LIN54: variants seen among roughly 807,000 people sequenced by gnomAD.
LIN54 encodes the protein lin-54 DREAM MuvB core complex component, also known as protein lin-54 homolog.
Under a neutral mutation model 78.7 loss-of-function variants are expected in LIN54, and 9 were observed. The ratio of observed to expected loss-of-function variants is 0.11; its 90% CI spans 0.07 to 0.20. The LOEUF (loss-of-function observed/expected upper bound fraction) is 0.20. Among genes scored for constraint, LIN54 ranks in the 10% least tolerant of loss-of-function variants. LIN54 has a pLI of 1.00. For missense variants in LIN54, 573 were observed against 889.9 expected, an observed-to-expected ratio of 0.64 and a Z score of 4.53; for synonymous variants, 269 against 318.4, an observed-to-expected ratio of 0.84 and a Z score of 1.65.
chr4:82,980,911 T>C (rs1247762574), intron 2 of LIN54, among the ~76,000 whole-genome samples: 1 of 152,056 alleles, frequency 6.6e-6, no homozygotes, highest in Non-Finnish European at 1.5e-5. Context: ...AAGAAAAAAA[T>C]ATAAACAGTA....
intron 7 of LIN54, among the ~76,000 whole-genome samples, chr4:82,938,761 G>A (rs1053909434): frequency 1.3e-5 from 2 of 152,196 alleles, no homozygotes; most frequent in African/African-American, 4.8e-5. Flanking sequence ...AAGTATGTCG[G>A]AATGATAGGA....
chr4:82,992,624 G>A (rs1396222909), intron 1 of LIN54, among the ~76,000 whole-genome samples: 1 of 152,184 alleles, frequency 6.6e-6, no homozygotes, highest in South Asian at 2.1e-4. Context: ...GCGTGAACAC[G>A]ACTCACTGAA....
intron 11 of LIN54, among the ~76,000 whole-genome samples, chr4:82,935,167 A>C: frequency 6.6e-6 from 1 of 151,830 alleles, no homozygotes; most frequent in Non-Finnish European, 1.5e-5. Flanking sequence ...TCCGCAGAGC[A>C]GTGTGCTCTT....
At chr4:83,011,014 T>C (rs554714226), upstream of LIN54, among the ~76,000 whole-genome samples, 1 of 152,252 alleles carries the variant, frequency 6.6e-6, no homozygotes, top group East Asian at 1.9e-4. Flanking sequence ...CCAAAGGAAG[T>C]CGCGCCACCT....
At position 82,927,940 on chromosome 4, in the gene LIN54, A is replaced by G. The variant is rs1201932357; in HGVS notation, c.*162T>C. 2 of 619,468 alleles carry G rather than the reference A, an allele frequency of 3.2e-6. No individual in the cohort carries two copies. Among genetic ancestry groups the G allele is most frequent in the Non-Finnish European group, 5.7e-6 (2 of 350,660 alleles). The allele number at this position is 619,468 out of a possible 1,614,324, so 38.4% of individuals were successfully genotyped here. On this transcript the variant is annotated 3_prime_UTR_variant, in exon 13 of 13. Transcript: ENST00000340417. ...TTTAACTAAGATTTAAAATGTACTA[A>G]TTTCCTCATTTAAAATTTCTTCTCC... is the stretch of plus-strand genomic sequence containing the variant.
intron 5 of LIN54, chr4:82,944,693 G>C (rs983917411): frequency 2.6e-5 from 4 of 151,970 alleles, no homozygotes; most frequent in African/African-American, 9.7e-5. Flanking sequence ...CCACCTATCA[G>C]CAACAGGTAG....
intron 4 of LIN54, among the ~76,000 whole-genome samples, chr4:82,962,703 C>G (rs866225041): frequency 2.6e-5 from 4 of 151,076 alleles, no homozygotes; most frequent in Non-Finnish European, 4.4e-5. Flanking sequence ...ATGAAGAAGT[C>G]TTTAATAAGC....
chr4:83,011,947 C>G (rs191143622), upstream of LIN54: 6 of 804,328 alleles, frequency 7.5e-6, no homozygotes, highest in East Asian at 7.5e-4. Context: ...AACAGGGCCA[C>G]TCTACTGTCT....
chr4:82,987,694 T>C (rs185597454), intron 1 of LIN54, among the ~76,000 whole-genome samples: 1 of 152,354 alleles, frequency 6.6e-6, no homozygotes, highest in Admixed American at 6.5e-5. Context: ...TCCATGTCTC[T>C]GCAGAGGACA....
intron 3 of LIN54, among the ~76,000 whole-genome samples, chr4:82,978,254 TAGTAAA>T (rs1267327059): frequency 6.6e-6 from 1 of 152,236 alleles, no homozygotes; most frequent in Non-Finnish European, 1.5e-5. Context: ...AGGAGTATTC[TAGTAAA>T]AGTAATTCAG....
intron 1 of LIN54, among the ~76,000 whole-genome samples, chr4:82,998,931 C>T (rs890600071): frequency 2.8e-4 from 42 of 152,036 alleles, no homozygotes; most frequent in African/African-American, 9.9e-4. Flanking sequence ...TCCACACAAA[C>T]AAATTATATC....
At chr4:82,995,662 A>AT (rs1336386822) in intron 1 of LIN54, among the ~76,000 whole-genome samples, 2 of 151,138 alleles carry the variant, frequency 1.3e-5, no homozygotes, top group Non-Finnish European at 3.0e-5. Flanking sequence ...CACCCGGCTA[A>AT]TTTTTTGTAT....
At chr4:83,006,464 GA>G (rs1294996082) in intron 1 of LIN54, among the ~76,000 whole-genome samples, 130 of 132,148 alleles carry the variant, frequency 9.8e-4, no homozygotes, top group African/African-American at 2.5e-3. Flanking sequence ...AAAAAAAAAA[GA>G]AAAAAAAAAA....
chr4:82,974,910 G>A lies in LIN54; in HGVS notation c.808+3973C>T, dbSNP rs185114296. ...ATACAAAAGTGGGATGGTGGCTGCC[G>A]GAAGCTGGATTGGGGAAGGAAGAAT... On this transcript the variant is annotated intron_variant, in intron 3 of 12. Transcript: ENST00000340417. Among the ~76,000 whole-genome samples, 59 of 151,952 alleles carry A rather than the reference G, an allele frequency of 3.9e-4. 1 individual carries two copies. The East Asian group carries it at 7.2e-3, about 18-fold the overall frequency.
intron 4 of LIN54, among the ~76,000 whole-genome samples, chr4:82,960,832 A>C (rs1028872381): frequency 6.6e-6 from 1 of 152,132 alleles, no homozygotes; most frequent in African/African-American, 2.4e-5. Flanking sequence ...AGGCTGAGGC[A>C]GGTAGGTCGC....
intron 1 of LIN54, among the ~76,000 whole-genome samples, chr4:82,989,000 A>AAC (rs1727430471): frequency 6.6e-6 from 1 of 152,082 alleles, no homozygotes; most frequent in Admixed American, 6.6e-5. Flanking sequence ...CATCCTGTCT[A>AAC]ACATGGTGAA....
chr4:82,956,123 G>T (rs1033932228), intron 4 of LIN54, among the ~76,000 whole-genome samples: 6 of 152,064 alleles, frequency 3.9e-5, no homozygotes, highest in Admixed American at 3.9e-4. Flanking sequence ...AAATTTTTTA[G>T]TATTTTTAGT....
intron 4 of LIN54, among the ~76,000 whole-genome samples, chr4:82,960,021 CA>C (rs759471530): frequency 1.3e-5 from 2 of 152,154 alleles, no homozygotes; most frequent in African/African-American, 2.4e-5. Context: ...TAATAATCTG[CA>C]GTCATTCATT....
In LIN54 at chr4:82,994,464, C is replaced by G. The variant is rs188419299; in HGVS notation, c.-32-9588G>C. On this transcript the variant is annotated intron_variant, in intron 1 of 12. Transcript: ENST00000340417. ...CCATGCTGGAGTGCAGTGGCGCAAT[C>G]TGGGCTCACTGCAACCTCCACCTCC... Among the ~76,000 whole-genome samples the G allele has an allele frequency of 1.9e-3, 286 of 151,690 alleles. 3 individuals are homozygous for G. The highest frequency in any genetic ancestry group is 6.5e-3 in the African/African-American group (271 of 41,388).
Sources: gnomAD v4.1 joint callset for allele counts (sites outside exome capture counted in the v4.1 genomes callset) on GRCh38, gnomAD v4.1.1 for gene constraint, MANE v1.5 for transcripts, NCBI Gene and HGNC (gene_info 2026-07-23, HGNC 2026-07-21) for gene names.